Variants in TRDN observed in about 807,000 individuals in gnomAD.
The protein encoded by TRDN is triadin in skeletal muscle.
A neutral mutation model predicts 149.7 loss-of-function variants in TRDN; 161 were observed. That is an observed-to-expected ratio of 1.08 (90% confidence interval 0.95 to 1.23). TRDN has a LOEUF of 1.23. Among genes scored for constraint, TRDN ranks in the 50% most tolerant of loss-of-function variants. The pLI is 0.00. For missense variants in TRDN, 896 were observed against 823.5 expected (o/e 1.09, Z -1.08); for synonymous variants, 294 against 250.5 (o/e 1.17, Z -1.64).
chr6:123,501,551 T>C (rs1409836730), intron 8 of TRDN, among the ~76,000 whole-genome samples: 1 of 152,018 alleles, frequency 6.6e-6, no homozygotes, highest in Non-Finnish European at 1.5e-5. Context: ...TGCTCTTAAT[T>C]AAATCTTTGC....
intron 24 of TRDN, among the ~76,000 whole-genome samples, chr6:123,300,809 T>C (rs1778369968): frequency 6.6e-6 from 1 of 152,020 alleles, no homozygotes; most frequent in Admixed American, 6.6e-5. Context: ...GTATAATATA[T>C]AACTAAAATA....
chr6:123,581,327 T>C (rs963491966), intron 1 of TRDN, among the ~76,000 whole-genome samples: 1 of 152,218 alleles, frequency 6.6e-6, no homozygotes, highest in African/African-American at 2.4e-5. Context: ...ATAGCATTTT[T>C]TGATGAATAC....
intron 24 of TRDN, among the ~76,000 whole-genome samples, chr6:123,307,142 T>C (rs9320926): frequency 0.19 from 28,507 of 151,988 alleles, 3,595 homozygotes; most frequent in East Asian, 0.66. Context: ...GATTTGGCAA[T>C]AAATGTTATT....
At chr6:123,504,377 A>C (rs1386174151) in intron 7 of TRDN, among the ~76,000 whole-genome samples, 1 of 150,614 alleles carries the variant, frequency 6.6e-6, no homozygotes, top group Non-Finnish European at 1.5e-5. Context: ...AAATGCCAAC[A>C]AAGTCTTTTT....
chr6:123,497,310 T>TTCC, intron 8 of TRDN, 58 bp from the exon 9 acceptor site: 5 of 1,184,162 alleles, frequency 4.2e-6, no homozygotes, highest in Non-Finnish European at 5.7e-6. Context: ...TTCATTTTTC[T>TTCC]ACAGAGAAAT....
At chr6:123,317,282 A>G (rs1779062151) in intron 23 of TRDN, among the ~76,000 whole-genome samples, 1 of 151,774 alleles carries the variant, frequency 6.6e-6, no homozygotes, top group South Asian at 2.1e-4. Flanking sequence ...TGATTAATGG[A>G]AGAGTCCAGG....
rs761568727 is a variant in TRDN, at chr6:123,240,683, G to A, written c.1975+11729C>T. 5.6e-4 allele frequency among the ~76,000 whole-genome samples: 85 copies of A among 151,884 alleles called. No individual in the cohort carries two copies. The Middle Eastern group carries it at 0.01, about 18-fold the overall frequency. On this transcript the variant is annotated intron_variant, in intron 38 of 40. Transcript: ENST00000334268. ...ATTCAAACTCATTTTGTAAAGTTAA[G>A]CAAACAATGTTTAAAGACTTGTTCT...
At chr6:123,431,167 A>G (rs1336587111) in intron 12 of TRDN, among the ~76,000 whole-genome samples, 1 of 152,178 alleles carries the variant, frequency 6.6e-6, no homozygotes, top group African/African-American at 2.4e-5. Context: ...CTGAACGCAG[A>G]TTTACAACCT....
intron 24 of TRDN, among the ~76,000 whole-genome samples, chr6:123,300,498 C>A (rs1778360917): frequency 1.3e-5 from 2 of 151,812 alleles, no homozygotes; most frequent in Non-Finnish European, 2.9e-5. Flanking sequence ...TGAGGATCCA[C>A]AGAGAATGAA....
chr6:123,403,807 C>A (rs1773084813), intron 12 of TRDN, among the ~76,000 whole-genome samples: 1 of 151,130 alleles, frequency 6.6e-6, no homozygotes, highest in Admixed American at 6.6e-5. Flanking sequence ...TTTTGCGAAT[C>A]AAAATCAGAA....
chr6:123,222,035 T>G (rs1341334449), intron 39 of TRDN, among the ~76,000 whole-genome samples: 1 of 151,796 alleles, frequency 6.6e-6, no homozygotes, highest in Non-Finnish European at 1.5e-5. Flanking sequence ...TATTTATTTT[T>G]GCTGTAGTAA....
chr6:123,307,267 A>G (rs1240572759), intron 24 of TRDN, among the ~76,000 whole-genome samples: 1 of 151,860 alleles, frequency 6.6e-6, no homozygotes, highest in African/African-American at 2.4e-5. Flanking sequence ...CTCTGGGGAA[A>G]TTTTTTCTTC....
chr6:123,293,269 C>T (rs1050955646), intron 24 of TRDN, among the ~76,000 whole-genome samples: 4 of 152,122 alleles, frequency 2.6e-5, no homozygotes, highest in African/African-American at 9.7e-5. Flanking sequence ...GTAAATAGAA[C>T]TCTCCCCACT....
intron 9 of TRDN, among the ~76,000 whole-genome samples, chr6:123,485,943 G>A (rs1488397967): frequency 6.6e-6 from 1 of 151,886 alleles, no homozygotes; most frequent in East Asian, 1.9e-4. Flanking sequence ...CTCATTCTGT[G>A]AATGTTGTAT....
At chr6:123,404,562 C>T (rs542196188) in intron 12 of TRDN, among the ~76,000 whole-genome samples, 1 of 152,250 alleles carries the variant, frequency 6.6e-6, no homozygotes, top group African/African-American at 2.4e-5. Context: ...AATTCTTCTG[C>T]CTCAGCCTCC....
At chr6:123,588,932 T>C (rs1374873357) in intron 1 of TRDN, among the ~76,000 whole-genome samples, 1 of 152,192 alleles carries the variant, frequency 6.6e-6, no homozygotes, top group Non-Finnish European at 1.5e-5. Flanking sequence ...GGATTCCTTA[T>C]TACCACTACA....
chr6:123,218,845 GC>G, intron 40 of TRDN, 105 bp from the exon 41 acceptor site: 5 of 1,234,132 alleles, frequency 4.1e-6, no homozygotes, highest in Non-Finnish European at 5.6e-6. Flanking sequence ...TCTGCCAGCA[GC>G]CTCCGTAGCT....
In TRDN at chr6:123,455,741, G is replaced by A. The variant is rs532909527; in HGVS notation, c.931+9165C>T. On this transcript the variant is annotated intron_variant, in intron 10 of 40. Coordinates refer to ENST00000334268, the MANE Select transcript of TRDN (RefSeq NM_006073.4). ...GCTTACTCAAGATGTTTTATTGTAA[G>A]CTTTCCTAAAGTGTCTTGTAGAAAT... is the stretch of plus-strand genomic sequence containing the variant. Among the ~76,000 whole-genome samples the A allele has an allele frequency of 5.3e-5, 8 of 152,190 alleles. No homozygotes were observed. In the East Asian group the frequency reaches 1.5e-3, roughly 29 times the overall value.
At chr6:123,358,641 A>ATTGTTTTGTTTTGTTTTGTT (rs59422811) in intron 20 of TRDN, among the ~76,000 whole-genome samples, 1 of 151,050 alleles carries the variant, frequency 6.6e-6, no homozygotes, top group African/African-American at 2.4e-5. Context: ...ATTTTTTTGT[A>ATTGTTTTGTTTTGTTTTGTT]TTGTTTTGTT....
Sources: gnomAD v4.1 joint callset for allele counts (sites outside exome capture counted in the v4.1 genomes callset) on GRCh38, gnomAD v4.1.1 for gene constraint, MANE v1.5 for transcripts, NCBI Gene and HGNC (gene_info 2026-07-23, HGNC 2026-07-21) for gene names.